Variants in WSCD1 observed in about 807,000 individuals in gnomAD.
The protein encoded by WSCD1 is sialate:O-sulfotransferase 1.
WSCD1 carries 41 observed loss-of-function variants against 60.4 expected under a neutral mutation model. The observed-to-expected ratio is 0.68, with a 90% CI of 0.53 to 0.88. WSCD1 has a LOEUF of 0.88. Among genes scored for constraint, WSCD1 ranks in the 40% least tolerant of loss-of-function variants. The pLI, the probability that WSCD1 is intolerant of heterozygous loss-of-function variation, is 0.00. For missense variants in WSCD1, 784 were observed against 796.2 expected, an observed-to-expected ratio of 0.98 and a Z score of 0.18; for synonymous variants, 361 against 332.5, an observed-to-expected ratio of 1.09 and a Z score of -0.93.
chr17:6,069,390 C>CGTGTGTGTGT (rs771018197), upstream of WSCD1: 92 of 335,746 alleles, frequency 2.7e-4, no homozygotes, highest in African/African-American at 2.1e-3. Context: ...CACCTCGGTG[C>CGTGTGTGTGT]GTGTGTGTGT....
chr17:6,083,014 A>G (rs1195347331), intron 2 of WSCD1, among the ~76,000 whole-genome samples: 2 of 152,168 alleles, frequency 1.3e-5, no homozygotes, highest in Non-Finnish European at 2.9e-5. Context: ...ATTTCTCAGC[A>G]AGGCTCGTGT....
chr17:6,090,305 G>C lies in WSCD1; in HGVS notation c.543-16G>C, dbSNP rs748760751. On this transcript the variant is annotated splice_polypyrimidine_tract_variant and intron_variant, in intron 3 of 8. Transcript: ENST00000317744. ...CTGGGCCAAGGTCCGGACTCACCCA[G>C]GCCTCCTCCCTGCAGGTCCTATGTC... 3 of 1,567,568 alleles carry C rather than the reference G, an allele frequency of 1.9e-6. No homozygotes were observed. The South Asian group carries it at 3.6e-5, about 19-fold the overall frequency.
chr17:6,075,821 A>T lies in WSCD1; in HGVS notation c.-288-4550A>T, dbSNP rs1908818620. 6.6e-6 allele frequency among the ~76,000 whole-genome samples: 1 copy of T among 152,000 alleles called. No homozygotes were observed. The highest frequency in any genetic ancestry group is 2.1e-4 in the South Asian group (1 of 4,820). On this transcript the variant is annotated intron_variant, in intron 1 of 8. Transcript: ENST00000317744. This position sits in a 1 kb window ranked among gnomAD's most constrained non-coding sequence, Gnocchi z 4.1. ...CTGAAGCACTCTGCAGGGTTCCAAG[A>T]TGGGAGGTGCCCACAGGAAGCACAC...
chr17:6,122,076 C>G lies in WSCD1; in HGVS notation c.*1415C>G, dbSNP rs1348634789. On this transcript the variant is annotated 3_prime_UTR_variant, in exon 9 of 9. Transcript: ENST00000317744. ...CATGGTCCTGCTCTGGGTCAGCTGT[C>G]AGGGAGACCTCCCTTCAGCCTGAGC... 1.3e-5 allele frequency: 2 copies of G among 152,312 alleles called. No individual in the cohort carries two copies. Among genetic ancestry groups the G allele is most frequent in the African/African-American group, 4.8e-5 (2 of 41,452 alleles). The allele number at this position is 152,312 out of a possible 1,614,324, so 9.4% of individuals were successfully genotyped here. A position where few individuals can be genotyped will look rare whatever the true frequency, so the allele number is the denominator to read the frequency against.
In WSCD1 at chr17:6,080,877, C is replaced by A; in HGVS notation, c.219C>A (p.His73Gln). The A allele has an allele frequency of 6.2e-7, 1 of 1,603,616 alleles. No individual in the cohort carries two copies. Among genetic ancestry groups the A allele is most frequent in the East Asian group, 2.2e-5 (1 of 44,680 alleles). The part of the protein sequence containing the change: ...GVGLLDSRAL[H>Q]DPRVSPELLL... ...GCTTGCTGGACAGCAGAGCCCTGCA[C>A]GACCCTCGAGTCAGCCCAGAGCTGC... The change falls in exon 2 of 9, where the codon CAC (histidine) becomes CAA (glutamine). Residue 73 changes from histidine to glutamine, a missense_variant. His to Gln is a conservative substitution (Grantham distance 24). Transcript: ENST00000317744. The surrounding 1 kb of genome is among the most constrained non-coding windows in gnomAD (Gnocchi z 6.6).
rs773062209 is a variant in WSCD1, at chr17:6,120,645, A to G, written c.1712A>G (p.Glu571Gly). The G allele has an allele frequency of 2.5e-6, 4 of 1,611,936 alleles. No individual in the cohort carries two copies. The highest frequency in any genetic ancestry group is 3.4e-6 in the Non-Finnish European group (4 of 1,179,040). ...CACAACTGGACGGGGCTGCCCAGGG[A>G]GTATGTGCCCAGATGATAGGCCTGG... is the stretch of plus-strand genomic sequence containing the variant. ...RDHNWTGLPREYVPR is the reference protein window; with the variant it reads ...RDHNWTGLPRGYVPR The change falls in exon 9 of 9, where the codon GAG (glutamate) becomes GGG (glycine). Residue 571 changes from glutamate (E) to glycine (G), a missense_variant. Coordinates refer to ENST00000317744, the MANE Select transcript of WSCD1 (RefSeq NM_015253.2).
chr17:6,073,646 TAAAAG>T (rs1053051309), intron 1 of WSCD1, among the ~76,000 whole-genome samples: 12 of 152,024 alleles, frequency 7.9e-5, no homozygotes, highest in Non-Finnish European at 1.6e-4. Context: ...TAAATAAAAA[TAAAAG>T]AGATAACCCA....
intron 8 of WSCD1, 126 bp from the exon 9 acceptor site, chr17:6,120,183 A>T: frequency 9.6e-7 from 1 of 1,040,334 alleles, no homozygotes; most frequent in Non-Finnish European, 1.4e-6. Context: ...GGGGAATGCC[A>T]GGTTGACTCT....
Position 6,080,918 on chromosome 17 carries a change from T to A in WSCD1, c.260T>A (p.Met87Lys). 2 of 1,593,702 alleles carry A rather than the reference T, an allele frequency of 1.3e-6. No homozygotes were observed. The highest frequency in any genetic ancestry group is 1.7e-6 in the Non-Finnish European group (2 of 1,174,690). Residue 87 changes from methionine to lysine, a missense_variant, in exon 2 of 9, where the codon ATG becomes AAG. Met to Lys is a moderately conservative substitution (Grantham distance 95, BLOSUM62 -1). Transcript: ENST00000317744. This position sits in a 1 kb window ranked among gnomAD's most constrained non-coding sequence, Gnocchi z 6.6. Reference sequence around the variant, plus strand: ...CCAGAGCTGCTGCTGGGTGTGGACATGCTGCAGAGCCCCCTGACCCGGCCC... The same window carrying A: ...CCAGAGCTGCTGCTGGGTGTGGACAAGCTGCAGAGCCCCCTGACCCGGCCC... ...VSPELLLGVD[M>K]LQSPLTRPRP...
intron 1 of WSCD1, chr17:6,077,928 T>A (rs961660071): frequency 6.6e-6 from 1 of 152,202 alleles, no homozygotes; most frequent in African/African-American, 2.4e-5. Flanking sequence ...ACAGAAAGGA[T>A]GACATAAAGC....
chr17:6,083,218 C>T (rs1019229228), intron 2 of WSCD1, among the ~76,000 whole-genome samples: 4 of 152,126 alleles, frequency 2.6e-5, no homozygotes, highest in South Asian at 4.1e-4. Context: ...AAAATGCACA[C>T]GTTTTAAAAA....
At chr17:6,081,776 C>T (rs775627555) in intron 2 of WSCD1, 8 of 152,026 alleles carry the variant, frequency 5.3e-5, no homozygotes, top group Non-Finnish European at 1.2e-4. Flanking sequence ...GAGCTAAAGA[C>T]GCCATTCCTG....
intron 1 of WSCD1, chr17:6,077,850 G>A (rs1489185652): frequency 6.6e-6 from 1 of 152,152 alleles, no homozygotes; most frequent in African/African-American, 2.4e-5. Flanking sequence ...GGATTAATGT[G>A]CTCCCTAGTT....
chr17:6,120,772 G>A lies in WSCD1; in HGVS notation c.*111G>A. Reference sequence around the variant, plus strand: ...GCCTCACTGGGACGAACGGTGGGTGGGGGGCTCACCCTGGTGCTGCCTCCC... The same window carrying A: ...GCCTCACTGGGACGAACGGTGGGTGAGGGGCTCACCCTGGTGCTGCCTCCC... On this transcript the variant is annotated 3_prime_UTR_variant, in exon 9 of 9. Transcript: ENST00000317744. 8 of 1,162,630 alleles carry A rather than the reference G, an allele frequency of 6.9e-6. No individual in the cohort carries two copies. Among genetic ancestry groups the A allele is most frequent in the Non-Finnish European group, 9.5e-6 (8 of 838,168 alleles). The allele number at this position is 1,162,630 out of a possible 1,614,324, so 72.0% of individuals were successfully genotyped here. A position where few individuals can be genotyped will look rare whatever the true frequency, so the allele number is the denominator to read the frequency against.
chr17:6,090,542 T>C (rs1285910268), intron 4 of WSCD1, 37 bp downstream of exon 4: 2 of 1,604,358 alleles, frequency 1.2e-6, no homozygotes, highest in Non-Finnish European at 1.7e-6. Context: ...TTTGTCCGTC[T>C]GTCCCACCCG....
intron 4 of WSCD1, among the ~76,000 whole-genome samples, chr17:6,091,146 G>C (rs189105515): frequency 1.3e-5 from 2 of 152,106 alleles, no homozygotes; most frequent in African/African-American, 4.8e-5. Context: ...TGCCTGTCTC[G>C]GCCTCCCAGA....
chr17:6,070,736 T>A (rs1434191843), intron 1 of WSCD1, 84 bp downstream of exon 1: 1 of 151,272 alleles, frequency 6.6e-6, no homozygotes, highest in Admixed American at 6.6e-5. Context: ...CAAACAAGTT[T>A]GTGCAGACGC....
chr17:6,094,881 C>G (rs1033592131), intron 4 of WSCD1, among the ~76,000 whole-genome samples: 7 of 149,204 alleles, frequency 4.7e-5, no homozygotes, highest in African/African-American at 1.8e-4. Flanking sequence ...CCAAGTGGTC[C>G]CTTGTAGATG....
chr17:6,096,916 C>T (rs951391184), intron 5 of WSCD1, among the ~76,000 whole-genome samples: 4 of 152,242 alleles, frequency 2.6e-5, no homozygotes, highest in Admixed American at 2.6e-4. Context: ...GTGTGCTGGG[C>T]ATGGCACTAG....
Sources: gnomAD v4.1 joint callset for allele counts (sites outside exome capture counted in the v4.1 genomes callset) on GRCh38, gnomAD v4.1.1 for gene constraint, Gnocchi (gnomAD v3.1) non-coding constraint, MANE v1.5 for transcripts, NCBI Gene and HGNC (gene_info 2026-07-23, HGNC 2026-07-21) for gene names.